Variants in AGAP1 observed in about 807,000 individuals in gnomAD.
AGAP1 encodes the protein arf-GAP with GTPase, ANK repeat and PH domain-containing protein 1.
AGAP1 carries 29 observed loss-of-function variants against 105.3 expected under a neutral mutation model. The observed-to-expected ratio is 0.28, with a 90% CI of 0.21 to 0.38. The LOEUF is 0.38. Ranked by LOEUF, AGAP1 falls within the 10% of genes least tolerant of loss-of-function variation. The pLI, the probability that AGAP1 is intolerant of heterozygous loss-of-function variation, is 1.00. For synonymous variants in AGAP1, 509 were observed against 485.9 expected (o/e 1.05, Z -0.63); for missense variants, 998 against 1,165.1 (o/e 0.86, Z 2.09).
rs6760204 is a variant in AGAP1, at chr2:235,705,163, G to C, written c.164-4016G>C. The stretch of plus-strand genomic sequence containing the variant: ...CTGGCTAATTTTTGTATTTTTAGTA[G>C]AGACGAGGTTTCGCCATGTTGGCCA... On this transcript the variant is annotated intron_variant, in intron 1 of 17. Coordinates refer to ENST00000304032, the MANE Select transcript of AGAP1 (RefSeq NM_001037131.3). The surrounding 1 kb of genome is among the most constrained non-coding windows in gnomAD (Gnocchi z 4.9). Among the ~76,000 whole-genome samples the C allele has an allele frequency of 6.6e-6, 1 of 151,972 alleles. No homozygotes were observed. Among genetic ancestry groups the C allele is most frequent in the Non-Finnish European group, 1.5e-5 (1 of 67,992 alleles).
At chr2:236,023,465 T>G (rs2056949332) in intron 13 of AGAP1, among the ~76,000 whole-genome samples, 1 of 152,098 alleles carries the variant, frequency 6.6e-6, no homozygotes, top group Non-Finnish European at 1.5e-5. Flanking sequence ...GAAAACTCAC[T>G]TGTTAATAGG....
chr2:235,570,206 A>T (rs1291651785), intron 1 of AGAP1, among the ~76,000 whole-genome samples: 3 of 152,168 alleles, frequency 2.0e-5, no homozygotes, highest in African/African-American at 7.2e-5. Context: ...TTCCTAAAGC[A>T]GTGATCGGTG....
chr2:235,800,114 T>G (rs1957424383), intron 8 of AGAP1, among the ~76,000 whole-genome samples: 1 of 151,384 alleles, frequency 6.6e-6, no homozygotes, highest in African/African-American at 2.4e-5. Flanking sequence ...TTTTTTTTTT[T>G]TTTTTCTTTT....
chr2:235,561,002 C>T (rs907444109), intron 1 of AGAP1, among the ~76,000 whole-genome samples: 4 of 152,194 alleles, frequency 2.6e-5, no homozygotes, highest in African/African-American at 9.6e-5. Flanking sequence ...AATGTCAGCA[C>T]AGACAGTAGA....
At chr2:235,926,286 G>T (rs1001259266) in intron 11 of AGAP1, among the ~76,000 whole-genome samples, 1 of 152,216 alleles carries the variant, frequency 6.6e-6, no homozygotes, top group Admixed American at 6.5e-5. Flanking sequence ...CACATTTGGG[G>T]GTGGTTCGTT....
At chr2:235,922,130 A>C (rs2052212060) in intron 11 of AGAP1, among the ~76,000 whole-genome samples, 1 of 152,196 alleles carries the variant, frequency 6.6e-6, no homozygotes, top group African/African-American at 2.4e-5. Flanking sequence ...AGGGTTTGCA[A>C]GGTAGCCGCT....
rs1219542621 is a variant in AGAP1, at chr2:235,705,382, G to A, written c.164-3797G>A. Among the ~76,000 whole-genome samples, 1 of 152,174 alleles carries A rather than the reference G, an allele frequency of 6.6e-6. No individual in the cohort carries two copies. Among genetic ancestry groups the A allele is most frequent in the Non-Finnish European group, 1.5e-5 (1 of 68,044 alleles). On this transcript the variant is annotated intron_variant, in intron 1 of 17. Transcript: ENST00000304032. The surrounding 1 kb of genome is among the most constrained non-coding windows in gnomAD (Gnocchi z 4.9). ...CGGATGTGCATCCACACACTCATGC[G>A]CATATGCCCAGCTGTGTTTCCCTGA...
rs545055269 is a variant in AGAP1, at chr2:235,662,585, C to T, written c.164-46594C>T. Among the ~76,000 whole-genome samples the T allele has an allele frequency of 1.7e-4, 26 of 149,990 alleles. No individual in the cohort carries two copies. Among genetic ancestry groups the T allele is most frequent in the Admixed American group, 1.1e-3 (16 of 15,002 alleles). On this transcript the variant is annotated intron_variant, in intron 1 of 17. Coordinates refer to ENST00000304032, the MANE Select transcript of AGAP1 (RefSeq NM_001037131.3). This position sits in a 1 kb window ranked among gnomAD's most constrained non-coding sequence, Gnocchi z 4.2. ...GCAGTGGTGGCATCTCAGCTCACTG[C>T]AACCTCTGCCTCCTGGGTTCAAGCG...
Position 236,127,574 on chromosome 2 carries a change from G to A in AGAP1, c.*3452G>A, listed in dbSNP as rs1236291954. ...TCTCGGCAGTGGCTTTTCAGCACAA[G>A]GGCCTTGCATTGAAGCTCCCTCTTC... On this transcript the variant is annotated 3_prime_UTR_variant, in exon 18 of 18. Coordinates refer to ENST00000304032, the MANE Select transcript of AGAP1 (RefSeq NM_001037131.3). This position sits in a 1 kb window ranked among gnomAD's most constrained non-coding sequence, Gnocchi z 6.6. The A allele has an allele frequency of 6.6e-6, 1 of 152,230 alleles. No individual in the cohort carries two copies. Among genetic ancestry groups the A allele is most frequent in the Non-Finnish European group, 1.5e-5 (1 of 68,062 alleles). The allele number at this position is 152,230 out of a possible 1,614,324, so 9.4% of individuals were successfully genotyped here. A position where few individuals can be genotyped will look rare whatever the true frequency, so the allele number is the denominator to read the frequency against.
intron 7 of AGAP1, among the ~76,000 whole-genome samples, chr2:235,798,285 A>G (rs1559500606): frequency 6.6e-6 from 1 of 152,174 alleles, no homozygotes; most frequent in African/African-American, 2.4e-5. Flanking sequence ...TATAATTACC[A>G]TCTCCCTTAG....
intron 8 of AGAP1, among the ~76,000 whole-genome samples, chr2:235,802,995 G>GTTGTGA (rs1575506471): frequency 7.0e-6 from 1 of 142,916 alleles, no homozygotes. Flanking sequence ...GGTTGTGATG[G>GTTGTGA]TGGTGATGGT....
At chr2:235,710,961 G>C (rs1369701725) in intron 2 of AGAP1, among the ~76,000 whole-genome samples, 1 of 152,188 alleles carries the variant, frequency 6.6e-6, no homozygotes, top group African/African-American at 2.4e-5. Flanking sequence ...GATAGGTACG[G>C]TTATCCCCAT....
rs1033814643 is a variant in AGAP1, at chr2:235,719,233, G to T, written c.310+1589G>T. Reference sequence around the variant, plus strand: ...TCTGGCCCTGGGGTTCAGGTGTCTGGTGGGGCAGCGCTGGAGGCCCTGGGT... The same window carrying T: ...TCTGGCCCTGGGGTTCAGGTGTCTGTTGGGGCAGCGCTGGAGGCCCTGGGT... On this transcript the variant is annotated intron_variant, in intron 3 of 17. Coordinates refer to ENST00000304032, the MANE Select transcript of AGAP1 (RefSeq NM_001037131.3). This position sits in a 1 kb window ranked among gnomAD's most constrained non-coding sequence, Gnocchi z 4.9. Among the ~76,000 whole-genome samples, 4 of 152,192 alleles carry T rather than the reference G, an allele frequency of 2.6e-5. No individual in the cohort carries two copies. The highest frequency in any genetic ancestry group is 1.3e-4 in the Admixed American group (2 of 15,286).
At chr2:235,895,851 G>A (rs2050782951) in intron 10 of AGAP1, among the ~76,000 whole-genome samples, 1 of 152,176 alleles carries the variant, frequency 6.6e-6, no homozygotes, top group African/African-American at 2.4e-5. Flanking sequence ...ACACTTTTAG[G>A]AAGCAGAAAT....
chr2:235,672,529 A>G lies in AGAP1; in HGVS notation c.164-36650A>G, dbSNP rs954845893. Among the ~76,000 whole-genome samples, 3 of 152,222 alleles carry G rather than the reference A, an allele frequency of 2.0e-5. No homozygotes were observed. The East Asian group carries it at 5.8e-4, about 29-fold the overall frequency. On this transcript the variant is annotated intron_variant, in intron 1 of 17. Coordinates refer to ENST00000304032, the MANE Select transcript of AGAP1 (RefSeq NM_001037131.3). ...CAACCATTATCCCATCCCTTCATGT[A>G]TTCTCTTAAAATATGAGAACATGAT...
chr2:235,512,442 C>T (rs1176363854), intron 1 of AGAP1, among the ~76,000 whole-genome samples: 2 of 152,088 alleles, frequency 1.3e-5, no homozygotes, highest in Non-Finnish European at 2.9e-5. Flanking sequence ...TACGAAAAAA[C>T]AAAACACCCA....
At chr2:235,974,063 C>G (rs1326092427) in intron 13 of AGAP1, among the ~76,000 whole-genome samples, 1 of 152,198 alleles carries the variant, frequency 6.6e-6, no homozygotes, top group Non-Finnish European at 1.5e-5. Context: ...GGCCCCGAAC[C>G]TGGTGGTTCT....
rs960068274 is a variant in AGAP1, at chr2:235,930,485, G to A, written c.1325-280G>A. On this transcript the variant is annotated intron_variant, in intron 11 of 17. Coordinates refer to ENST00000304032, the MANE Select transcript of AGAP1 (RefSeq NM_001037131.3). The surrounding 1 kb of genome is among the most constrained non-coding windows in gnomAD (Gnocchi z 7.9). ...CACTTCCACTCGATGTTGCGGTTGC[G>A]GTTGGGTTGCGTCTTTGTATAGGGT... Among the ~76,000 whole-genome samples, 2 of 152,168 alleles carry A rather than the reference G, an allele frequency of 1.3e-5. No individual in the cohort carries two copies. The highest frequency in any genetic ancestry group is 2.9e-5 in the Non-Finnish European group (2 of 68,034).
rs1330275063 is a variant in AGAP1, at chr2:235,714,052, C to T, written c.223-3505C>T. On this transcript the variant is annotated intron_variant, in intron 2 of 17. Coordinates refer to ENST00000304032, the MANE Select transcript of AGAP1 (RefSeq NM_001037131.3). This position sits in a 1 kb window ranked among gnomAD's most constrained non-coding sequence, Gnocchi z 4.1. ...TTTTTGAGACAGAGTCTCACTCTGT[C>T]GCCCAGGCTGGAGTGCGGTGGTGCA... is the stretch of plus-strand genomic sequence containing the variant. 3.3e-5 allele frequency among the ~76,000 whole-genome samples: 5 copies of T among 152,092 alleles called. No homozygotes were observed. Among genetic ancestry groups the T allele is most frequent in the Non-Finnish European group, 5.9e-5 (4 of 68,018 alleles).
Sources: allele counts gnomAD v4.1 joint callset (sites outside exome capture counted in the v4.1 genomes callset), GRCh38; gene constraint gnomAD v4.1.1; non-coding constraint Gnocchi (gnomAD v3.1); transcripts MANE v1.5; gene names NCBI Gene and HGNC (gene_info 2026-07-23, HGNC 2026-07-21).